The following GOLGA7B variants were observed in gnomAD, a reference collection of about 807,000 sequenced individuals.
GOLGA7B encodes the protein golgin A7 family member B.
Under a neutral mutation model 21.5 loss-of-function variants are expected in GOLGA7B, and 17 were observed. That is an observed-to-expected ratio of 0.79 (90% CI 0.54 to 1.19). The LOEUF is 1.19. Among genes scored for constraint, GOLGA7B ranks in the 50% most tolerant of loss-of-function variants. The pLI is 0.00. For missense variants in GOLGA7B, 169 were observed against 224.4 expected (o/e 0.75, Z 1.58); for synonymous variants, 87 against 84.0 (o/e 1.04, Z -0.19).
intron 1 of GOLGA7B, among the ~76,000 whole-genome samples, chr10:97,857,623 C>T (rs574950624): frequency 1.3e-5 from 2 of 152,198 alleles, no homozygotes; most frequent in Admixed American, 6.5e-5. Flanking sequence ...AAAAACAATG[C>T]TAAAGTTTAT....
intron 1 of GOLGA7B, 74 bp from the exon 2 acceptor site, chr10:97,859,384 G>A: frequency 1.3e-6 from 2 of 1,484,876 alleles, no homozygotes; most frequent in Non-Finnish European, 1.8e-6. Context: ...CCTGCATTCT[G>A]GGAAACCCCT....
intron 1 of GOLGA7B, among the ~76,000 whole-genome samples, chr10:97,853,511 C>G (rs1399451220): frequency 6.6e-6 from 1 of 152,194 alleles, no homozygotes; most frequent in Non-Finnish European, 1.5e-5. Flanking sequence ...CCCCCTCCTT[C>G]TCATACTGCA....
intron 1 of GOLGA7B, among the ~76,000 whole-genome samples, chr10:97,853,788 C>T (rs1020624654): frequency 6.6e-6 from 1 of 152,176 alleles, no homozygotes; most frequent in African/African-American, 2.4e-5. Flanking sequence ...TTCAGAGCAT[C>T]ACGGATCTCT....
At chr10:97,864,354 C>A (rs2049995908) in intron 4 of GOLGA7B, 85 bp downstream of exon 4, 1 of 1,069,348 alleles carries the variant, frequency 9.4e-7, no homozygotes, top group Admixed American at 2.0e-5. Context: ...AACGAGGCCA[C>A]CTTAGGGGCC....
chr10:97,864,004 C>A lies in GOLGA7B; in HGVS notation c.213C>A (p.Gly71=), dbSNP rs1283455463. The change falls in exon 3 of 5, where the codon GGC becomes GGA. Residue 71 remains glycine (G), a synonymous_variant. Coordinates refer to ENST00000370602, the MANE Select transcript of GOLGA7B (RefSeq NM_001010917.3). ...ACGCAGAGGCTGAGAAGATTGGGGG[C>A]AGCTCCTACCTCGAGGGCTGCCTGG... is the stretch of plus-strand genomic sequence containing the variant. ...GFYAEAEKIG[G]SSYLEGCLAC... 6.2e-7 allele frequency: 1 copy of A among 1,614,036 alleles called. No individual in the cohort carries two copies. Among genetic ancestry groups the A allele is most frequent in the Non-Finnish European group, 8.5e-7 (1 of 1,179,986 alleles).
intron 1 of GOLGA7B, among the ~76,000 whole-genome samples, chr10:97,856,944 T>C (rs574940382): frequency 6.6e-6 from 1 of 152,316 alleles, no homozygotes; most frequent in South Asian, 2.1e-4. Flanking sequence ...TCTTGTTGAA[T>C]TGTTTGAGTT....
chr10:97,855,147 C>A (rs951688412), intron 1 of GOLGA7B, among the ~76,000 whole-genome samples: 1 of 152,282 alleles, frequency 6.6e-6, no homozygotes, highest in East Asian at 1.9e-4. Flanking sequence ...GAGACACACG[C>A]CTTCAGGACA....
At chr10:97,860,456 A>G (rs759626595) in intron 2 of GOLGA7B, among the ~76,000 whole-genome samples, 21 of 151,930 alleles carry the variant, frequency 1.4e-4, no homozygotes, top group Non-Finnish European at 1.0e-4. Context: ...AGCTAAGGTG[A>G]TCTTCCTGCC....
intron 1 of GOLGA7B, among the ~76,000 whole-genome samples, chr10:97,853,355 A>G (rs554152404): frequency 1.3e-5 from 2 of 152,130 alleles, no homozygotes; most frequent in Non-Finnish European, 2.9e-5. Context: ...AGATGGCGCC[A>G]GGGGGGCACT....
chr10:97,856,675 G>C (rs1429734474), intron 1 of GOLGA7B, among the ~76,000 whole-genome samples: 1 of 152,160 alleles, frequency 6.6e-6, no homozygotes, highest in African/African-American at 2.4e-5. Context: ...GTTTTCCATA[G>C]AGGTTGAACT....
Position 97,865,823 on chromosome 10 carries a change from T to TG in GOLGA7B, c.*126dup. The stretch of plus-strand genomic sequence containing the variant: ...TTTGGGCTCACCCTGCTGCCCGGGG[T>TG]GGGAGGGAGGGTGACGGGCCTCATA... On this transcript the variant is annotated 3_prime_UTR_variant, in exon 5 of 5. Transcript: ENST00000370602. 5 of 423,960 alleles carry TG rather than the reference T, an allele frequency of 1.2e-5. No individual in the cohort carries two copies. Among genetic ancestry groups the TG allele is most frequent in the Non-Finnish European group, 2.1e-5 (5 of 239,578 alleles). 26.3% of individuals were successfully genotyped at this position (423,960 alleles called of 1,614,324 possible).
chr10:97,854,518 G>A (rs2049923361), intron 1 of GOLGA7B, among the ~76,000 whole-genome samples: 2 of 152,150 alleles, frequency 1.3e-5, no homozygotes, highest in Non-Finnish European at 2.9e-5. Flanking sequence ...GGAGACTAAG[G>A]CTCTGCCATA....
intron 2 of GOLGA7B, among the ~76,000 whole-genome samples, chr10:97,860,423 GCT>G (rs1200954050): frequency 6.6e-6 from 1 of 151,978 alleles, no homozygotes; most frequent in Non-Finnish European, 1.5e-5. Flanking sequence ...TGTGACCACA[GCT>G]CCCTGCAGCC....
chr10:97,865,812 GCTGCCC>G lies in GOLGA7B; in HGVS notation c.*113_*118del. ...CTGAGTCATTCTTTGGGCTCACCCT[GCTGCCC>G]GGGGTGGGAGGGAGGGTGACGGGCC... On this transcript the variant is annotated 3_prime_UTR_variant, in exon 5 of 5. Transcript: ENST00000370602. The G allele has an allele frequency of 7.3e-7, 1 of 1,367,702 alleles. No individual in the cohort carries two copies. The highest frequency in any genetic ancestry group is 9.6e-7 in the Non-Finnish European group (1 of 1,038,368). The allele number at this position is 1,367,702 out of a possible 1,614,324, so 84.7% of individuals were successfully genotyped here.
chr10:97,861,857 C>G (rs966528109), intron 2 of GOLGA7B, among the ~76,000 whole-genome samples: 1 of 152,190 alleles, frequency 6.6e-6, no homozygotes, highest in Non-Finnish European at 1.5e-5. Flanking sequence ...GTGGCATGGA[C>G]TAGATGGGCA....
intron 1 of GOLGA7B, among the ~76,000 whole-genome samples, chr10:97,857,467 G>A (rs912770355): frequency 3.3e-5 from 5 of 150,858 alleles, no homozygotes; most frequent in Non-Finnish European, 7.4e-5. Context: ...GAAAGAAATC[G>A]TAGATAACAC....
chr10:97,865,147 C>T (rs989067534), intron 4 of GOLGA7B: 7 of 166,786 alleles, frequency 4.2e-5, no homozygotes, highest in South Asian at 2.0e-4. Context: ...TTTGCAGATG[C>T]GATAATGGAT....
At chr10:97,855,783 C>T (rs1211071178) in intron 1 of GOLGA7B, among the ~76,000 whole-genome samples, 3 of 152,170 alleles carry the variant, frequency 2.0e-5, no homozygotes, top group Non-Finnish European at 4.4e-5. Context: ...CTTATTTCTC[C>T]GAGTTATCAT....
chr10:97,851,208 G>A (rs2049903733), intron 1 of GOLGA7B, among the ~76,000 whole-genome samples: 1 of 152,132 alleles, frequency 6.6e-6, no homozygotes, highest in Non-Finnish European at 1.5e-5. Context: ...TTGAATTTTT[G>A]GAGCGAAACT....
Sources: gnomAD v4.1 joint callset for allele counts (sites outside exome capture counted in the v4.1 genomes callset) on GRCh38, gnomAD v4.1.1 for gene constraint, MANE v1.5 for transcripts, NCBI Gene and HGNC (gene_info 2026-07-23, HGNC 2026-07-21) for gene names.